The following DLG2 variants were observed in gnomAD, a reference collection of about 807,000 sequenced individuals.
The protein encoded by DLG2 is disks large homolog 2.
DLG2 carries 45 observed loss-of-function variants against 132.5 expected under a neutral mutation model. The ratio of observed to expected loss-of-function variants is 0.34; its 90% confidence interval spans 0.27 to 0.44. The LOEUF is 0.44. Among genes scored for constraint, DLG2 ranks in the 20% least tolerant of loss-of-function variants. The probability of loss-of-function intolerance (pLI) is 1.00; values close to 1 mark genes in which losing one functional copy is unlikely to be tolerated. For missense variants in DLG2, 1,045 were observed against 1,196.9 expected, an observed-to-expected ratio of 0.87 and a Z score of 1.87; for synonymous variants, 424 against 419.6, an observed-to-expected ratio of 1.01 and a Z score of -0.13.
intron 3 of DLG2, among the ~76,000 whole-genome samples, chr11:85,360,078 TG>T (rs1400876358): frequency 3.3e-5 from 5 of 152,178 alleles, no homozygotes; most frequent in African/African-American, 1.2e-4. Context: ...ATTATACAGA[TG>T]ATCCCTGTGC....
At chr11:85,020,288 T>C (rs190843697) in intron 6 of DLG2, among the ~76,000 whole-genome samples, 135 of 152,332 alleles carry the variant, frequency 8.9e-4, no homozygotes, top group African/African-American at 3.2e-3. Context: ...TCTGTTCATG[T>C]CCTTTGCCCA....
At chr11:85,497,495 A>G (rs577827384) in intron 3 of DLG2, among the ~76,000 whole-genome samples, 83 of 152,306 alleles carry the variant, frequency 5.4e-4, no homozygotes, top group African/African-American at 1.9e-3. Flanking sequence ...CCAAGTTAGA[A>G]AACACTCTTC....
chr11:84,928,407 T>C (rs926200028), intron 6 of DLG2, among the ~76,000 whole-genome samples: 8 of 152,008 alleles, frequency 5.3e-5, no homozygotes, highest in Non-Finnish European at 7.4e-5. Context: ...ATCTACTTCA[T>C]AGGGATGTTG....
At chr11:84,027,431 T>A (rs1478698307) in intron 11 of DLG2, among the ~76,000 whole-genome samples, 1 of 152,022 alleles carries the variant, frequency 6.6e-6, no homozygotes, top group Non-Finnish European at 1.5e-5. Flanking sequence ...TTTTTCATAA[T>A]GAATATACAA....
At chr11:84,342,958 C>T (rs796805276) in intron 7 of DLG2, among the ~76,000 whole-genome samples, 14 of 152,266 alleles carry the variant, frequency 9.2e-5, no homozygotes, top group African/African-American at 3.1e-4. Flanking sequence ...ATACATGCAG[C>T]GTCCCAGGCA....
At chr11:84,451,382 T>G (rs1214379691) in intron 7 of DLG2, among the ~76,000 whole-genome samples, 1 of 151,908 alleles carries the variant, frequency 6.6e-6, no homozygotes, top group Non-Finnish European at 1.5e-5. Flanking sequence ...TTTTCTTGTT[T>G]TTGAAATGGA....
At chr11:83,471,764 A>AGAGTT in intron 23 of DLG2, 37 bp from the exon 24 acceptor site, 1 of 1,570,896 alleles carries the variant, frequency 6.4e-7, no homozygotes, top group Non-Finnish European at 8.7e-7. Context: ...GTAAAGAGAA[A>AGAGTT]GAGTTGGAAA....
intron 7 of DLG2, among the ~76,000 whole-genome samples, chr11:84,417,889 T>C (rs1484208265): frequency 6.6e-6 from 1 of 152,206 alleles, no homozygotes; most frequent in Non-Finnish European, 1.5e-5. Flanking sequence ...CTGTAACACC[T>C]GGGAATGGAC....
intron 14 of DLG2, among the ~76,000 whole-genome samples, chr11:83,956,304 A>G (rs1427265525): frequency 1.3e-5 from 2 of 152,184 alleles, no homozygotes; most frequent in Non-Finnish European, 2.9e-5. Flanking sequence ...CCACCACCAG[A>G]GGAGGGCAGC....
chr11:84,908,708 G>C (rs1367378660), intron 6 of DLG2, among the ~76,000 whole-genome samples: 1 of 151,710 alleles, frequency 6.6e-6, no homozygotes, highest in Non-Finnish European at 1.5e-5. Context: ...ATCTACCATT[G>C]AATCAGATTT....
chr11:84,893,663 C>T (rs780179611), intron 6 of DLG2, among the ~76,000 whole-genome samples: 14 of 152,030 alleles, frequency 9.2e-5, no homozygotes, highest in African/African-American at 1.4e-4. Context: ...TATTCAGTGA[C>T]GGTTTGTTAG....
intron 11 of DLG2, among the ~76,000 whole-genome samples, chr11:84,046,580 C>A (rs2096247563): frequency 6.6e-6 from 1 of 151,568 alleles, no homozygotes; most frequent in African/African-American, 2.4e-5. Flanking sequence ...AAGGCACTGA[C>A]TCTTCCAGAA....
At chr11:84,131,375 G>A (rs2094415177) in intron 9 of DLG2, among the ~76,000 whole-genome samples, 1 of 151,958 alleles carries the variant, frequency 6.6e-6, no homozygotes, top group East Asian at 1.9e-4. Context: ...GGATTTGTAT[G>A]TTGCGTACTT....
At chr11:84,723,895 C>T (rs542307444) in intron 6 of DLG2, among the ~76,000 whole-genome samples, 12 of 152,218 alleles carry the variant, frequency 7.9e-5, no homozygotes, top group Middle Eastern at 6.8e-3. Flanking sequence ...CAACTTTCCT[C>T]AAAATGGACT....
At chr11:84,491,655 T>C (rs1458817429) in intron 7 of DLG2, among the ~76,000 whole-genome samples, 1 of 152,136 alleles carries the variant, frequency 6.6e-6, no homozygotes, top group South Asian at 2.1e-4. Context: ...CTATAGACCA[T>C]TTTAGATGGT....
In DLG2 at chr11:84,262,294, C is replaced by T. The variant is rs576216806; in HGVS notation, c.520-11003G>A. On this transcript the variant is annotated intron_variant, in intron 7 of 27. Transcript: ENST00000376104. ...CTGCTGGCAGTGTTACTTGTTCTAA[C>T]TTATTATTCCACTGTACATTTCAGG... 2.6e-5 allele frequency among the ~76,000 whole-genome samples: 4 copies of T among 152,208 alleles called. No homozygotes were observed. The South Asian group carries it at 6.2e-4, about 24-fold the overall frequency.
chr11:83,661,854 G>A (rs776019854), intron 18 of DLG2, among the ~76,000 whole-genome samples: 1 of 152,152 alleles, frequency 6.6e-6, no homozygotes, highest in Non-Finnish European at 1.5e-5. Flanking sequence ...GAAGGTGACT[G>A]ACAAAGCATC....
chr11:83,588,382 C>A (rs1158810282), intron 19 of DLG2, among the ~76,000 whole-genome samples: 2 of 151,972 alleles, frequency 1.3e-5, no homozygotes. Flanking sequence ...ACACTGACAC[C>A]TCACACAGCA....
At chr11:85,119,414 A>G (rs925427560) in intron 5 of DLG2, among the ~76,000 whole-genome samples, 5 of 152,042 alleles carry the variant, frequency 3.3e-5, no homozygotes, top group African/African-American at 1.2e-4. Context: ...CAATAGAGTA[A>G]TTTAAGCTAC....
Sources: gnomAD v4.1 joint callset for allele counts (sites outside exome capture counted in the v4.1 genomes callset) on GRCh38, gnomAD v4.1.1 for gene constraint, MANE v1.5 for transcripts, NCBI Gene and HGNC (gene_info 2026-07-23, HGNC 2026-07-21) for gene names.